Variants in CUX1 observed in about 807,000 individuals in gnomAD.
CUX1 encodes cut like homeobox 1, also known as protein CASP.
Under a neutral mutation model 158.8 loss-of-function variants are expected in CUX1, and 31 were observed. The ratio of observed to expected loss-of-function variants is 0.20; its 90% CI spans 0.15 to 0.26. The LOEUF (loss-of-function observed/expected upper bound fraction) is 0.26, where lower values mean the gene tolerates loss of function less well. CUX1 is among the 10% of genes least tolerant of loss of function. The pLI is 1.00. For missense variants in CUX1, 1,589 were observed against 2,014.6 expected, an observed-to-expected ratio of 0.79 and a Z score of 4.04; for synonymous variants, 879 against 862.1, an observed-to-expected ratio of 1.02 and a Z score of -0.34.
intron 2 of CUX1, among the ~76,000 whole-genome samples, chr7:101,987,469 A>G (rs1264619275): frequency 1.3e-5 from 2 of 152,264 alleles, no homozygotes; most frequent in African/African-American, 4.8e-5. Context: ...GTTTCAGACT[A>G]GGGTCATGTT....
chr7:101,984,077 C>CAAAAAAAA (rs1181549351), intron 2 of CUX1, among the ~76,000 whole-genome samples: 5 of 16,768 alleles, frequency 3.0e-4, no homozygotes, highest in African/African-American at 1.5e-3. Flanking sequence ...TGTCCCCCCC[C>CAAAAAAAA]AAAAAAAAAA....
At position 102,249,648 on chromosome 7, in the gene CUX1, C is replaced by T; in HGVS notation, c.*606C>T. On this transcript the variant is annotated 3_prime_UTR_variant, in exon 24 of 24. Coordinates refer to ENST00000292535, the MANE Select transcript of CUX1 (RefSeq NM_181552.4). ...CTAATGGCTTCAGAGCGATAATACA[C>T]TATTATCTTCTTAAACCAGGAAAAA... 1 of 983,724 alleles carries T rather than the reference C, an allele frequency of 1.0e-6. No individual in the cohort carries two copies. Among genetic ancestry groups the T allele is most frequent in the South Asian group, 4.7e-5 (1 of 21,186 alleles). 60.9% of individuals were successfully genotyped at this position (983,724 alleles called of 1,614,324 possible). A position where few individuals can be genotyped will look rare whatever the true frequency, so the allele number is the denominator to read the frequency against.
In CUX1 at chr7:102,257,753, G is replaced by C. The variant is rs1370202697; in HGVS notation, c.*8711G>C. 3 of 982,720 alleles carry C rather than the reference G, an allele frequency of 3.1e-6. No homozygotes were observed. Among genetic ancestry groups the C allele is most frequent in the Non-Finnish European group, 3.6e-6 (3 of 828,238 alleles). The allele number at this position is 982,720 out of a possible 1,614,324, so 60.9% of individuals were successfully genotyped here. ...GCGTTTTGTCACGTCTTACATTTTA[G>C]CAGTATTTTATATTTTCTGTAACGC... On this transcript the variant is annotated 3_prime_UTR_variant, in exon 24 of 24. Coordinates refer to ENST00000292535, the MANE Select transcript of CUX1 (RefSeq NM_181552.4).
chr7:101,955,771 G>T (rs986796752), intron 2 of CUX1, among the ~76,000 whole-genome samples: 1 of 152,186 alleles, frequency 6.6e-6, no homozygotes, highest in Non-Finnish European at 1.5e-5. Context: ...TGGCACCAAT[G>T]GTTGGACCTA....
chr7:101,983,736 A>G (rs1813796415), intron 2 of CUX1, among the ~76,000 whole-genome samples: 1 of 151,974 alleles, frequency 6.6e-6, no homozygotes. Context: ...ACCAGATCTC[A>G]CAAGAACTCA....
chr7:102,007,617 A>G (rs1301834277), intron 2 of CUX1, among the ~76,000 whole-genome samples: 1 of 150,046 alleles, frequency 6.7e-6, no homozygotes, highest in African/African-American at 2.5e-5. Context: ...AACTTCTACA[A>G]AGCCCCACTC....
intron 18 of CUX1, among the ~76,000 whole-genome samples, chr7:102,203,374 C>T (rs1795645587): frequency 2.6e-5 from 4 of 152,008 alleles, no homozygotes; most frequent in Non-Finnish European, 5.9e-5. Flanking sequence ...CCCTGCATGG[C>T]GCCGTCCCCG....
At chr7:102,029,437 A>G (rs1293033354) in intron 3 of CUX1, among the ~76,000 whole-genome samples, 2 of 152,112 alleles carry the variant, frequency 1.3e-5, no homozygotes, top group Non-Finnish European at 2.9e-5. Flanking sequence ...GGCCTTATAT[A>G]TGGAAGGCTG....
In CUX1 at chr7:102,158,758, G is replaced by A. The variant is rs1404222079; in HGVS notation, c.723+150G>A. On this transcript the variant is annotated intron_variant, in intron 9 of 23. Transcript: ENST00000292535. ...ACGTCGATGCTCCTTCTGTTGTCATGAGAAGTAGGAAAAGACATAAAAAGT... is the reference window on the plus strand; with the variant it reads ...ACGTCGATGCTCCTTCTGTTGTCATAAGAAGTAGGAAAAGACATAAAAAGT... 3 of 712,406 alleles carry A rather than the reference G, an allele frequency of 4.2e-6. No individual in the cohort carries two copies. In the African/African-American group the frequency reaches 5.3e-5, roughly 13 times the overall value. The allele number at this position is 712,406 out of a possible 1,614,324, so 44.1% of individuals were successfully genotyped here.
chr7:101,873,236 G>A (rs1199114941), intron 1 of CUX1, among the ~76,000 whole-genome samples: 1 of 141,284 alleles, frequency 7.1e-6, no homozygotes, highest in Non-Finnish European at 1.5e-5. Context: ...TGTGCAGGAT[G>A]TACAGGTTTG....
Position 102,255,695 on chromosome 7 carries a change from G to A in CUX1, c.*6653G>A. 1 of 985,410 alleles carries A rather than the reference G, an allele frequency of 1.0e-6. No individual in the cohort carries two copies. 61.0% of individuals were successfully genotyped at this position (985,410 alleles called of 1,614,324 possible). A position where few individuals can be genotyped will look rare whatever the true frequency, so the allele number is the denominator to read the frequency against. ...GCTACATCCCTATGGAAATTAATCAGAAGCACAGTGTGTACGGAAGCATTG... is the reference window on the plus strand; with the variant it reads ...GCTACATCCCTATGGAAATTAATCAAAAGCACAGTGTGTACGGAAGCATTG... On this transcript the variant is annotated 3_prime_UTR_variant, in exon 24 of 24. Coordinates refer to ENST00000292535, the MANE Select transcript of CUX1 (RefSeq NM_181552.4).
rs573679340 is a variant in CUX1, at chr7:102,278,523, C to T, written c.1680+458C>T. 4.6e-5 allele frequency among the ~76,000 whole-genome samples: 7 copies of T among 151,296 alleles called. No individual in the cohort carries two copies. The South Asian group carries it at 1.0e-3, about 22-fold the overall frequency. ...AGGAGAATCGCTGGAACCCAGGAGGCGGAGGTTTCAGTGAGCCAAGATCAC... is the reference window on the plus strand; with the variant it reads ...AGGAGAATCGCTGGAACCCAGGAGGTGGAGGTTTCAGTGAGCCAAGATCAC... On this transcript the variant is annotated intron_variant, in intron 18 of 22. Coordinates refer to the CUX1 transcript ENST00000292538.
chr7:102,102,875 G>C (rs1235713251), intron 5 of CUX1, among the ~76,000 whole-genome samples: 4 of 152,156 alleles, frequency 2.6e-5, no homozygotes, highest in Non-Finnish European at 5.9e-5. Context: ...ACGTGGAGTT[G>C]TCCTGCCCCA....
chr7:102,210,905 C>T (rs1796441413), intron 20 of CUX1, among the ~76,000 whole-genome samples: 1 of 152,178 alleles, frequency 6.6e-6, no homozygotes, highest in East Asian at 1.9e-4. Context: ...GGTCCACGTT[C>T]CTTTTGAATG....
chr7:102,234,757 TAA>T (rs34652160), intron 22 of CUX1, among the ~76,000 whole-genome samples: 10,667 of 109,508 alleles, frequency 0.097, 492 homozygotes, highest in African/African-American at 0.16. Flanking sequence ...CCCTCACTAC[TAA>T]AAAAAAAAAA....
chr7:101,834,299 G>C (rs1420446946), intron 1 of CUX1, among the ~76,000 whole-genome samples: 13 of 145,422 alleles, frequency 8.9e-5, no homozygotes, highest in Non-Finnish European at 1.5e-4. Flanking sequence ...TCAGCCTCCC[G>C]AGTAGCTGGG....
intron 1 of CUX1, among the ~76,000 whole-genome samples, chr7:101,865,118 G>A (rs1450255117): frequency 6.6e-6 from 1 of 152,188 alleles, no homozygotes; most frequent in Non-Finnish European, 1.5e-5. Flanking sequence ...TCGGCCCTGG[G>A]AGATAGAAGA....
intron 1 of CUX1, among the ~76,000 whole-genome samples, chr7:101,847,093 G>A (rs984853804): frequency 6.6e-6 from 1 of 152,160 alleles, no homozygotes; most frequent in African/African-American, 2.4e-5. Context: ...GCAGCAAGCT[G>A]TCATTCTACC....
chr7:102,266,972 CATGCATGTAGAAGGCAAG>C (rs1482217598), intron 14 of CUX1, among the ~76,000 whole-genome samples: 1 of 152,096 alleles, frequency 6.6e-6, no homozygotes. Context: ...AACATGCTTG[CATGCATGTAGAAGGCAAG>C]AGCCGGTGCT....
Sources: allele counts gnomAD v4.1 joint callset (sites outside exome capture counted in the v4.1 genomes callset), GRCh38; gene constraint gnomAD v4.1.1; transcripts MANE v1.5; gene names NCBI Gene and HGNC (gene_info 2026-07-23, HGNC 2026-07-21).